Variants in SEC16A observed in about 807,000 individuals in gnomAD.
The protein encoded by SEC16A is SEC16 homolog A, endoplasmic reticulum export factor.
A neutral mutation model predicts 221.9 loss-of-function variants in SEC16A; 110 were observed. The observed-to-expected ratio is 0.50, with a 90% confidence interval of 0.42 to 0.58. SEC16A has a LOEUF of 0.58. Among genes scored for constraint, SEC16A ranks in the 20% least tolerant of loss-of-function variants. SEC16A has a pLI of 0.00. For synonymous variants in SEC16A, 1,393 were observed against 1,257.7 expected (o/e 1.11, Z -2.28); for missense variants, 3,165 against 3,097.8 (o/e 1.02, Z -0.52).
intron 11 of SEC16A, 98 bp from the exon 12 acceptor site, chr9:136,463,230 G>A (rs1839739582): frequency 6.7e-7 from 1 of 1,498,994 alleles, no homozygotes; most frequent in African/African-American, 1.4e-5. Context: ...GACACAGCCA[G>A]ACCCACAACT....
chr9:136,454,993 G>A (rs1039656924), intron 20 of SEC16A, among the ~76,000 whole-genome samples: 1 of 152,128 alleles, frequency 6.6e-6, no homozygotes, highest in African/African-American at 2.4e-5. Context: ...AGCTTGGAGG[G>A]CCTGTGGCCA....
In SEC16A at chr9:136,456,100, C is replaced by T. The variant is rs138068163; in HGVS notation, c.5617G>A (p.Ala1873Thr). Reference protein sequence around the residue: ...KEKPEEESLAAPTWLVHLQQV... With the variant: ...KEKPEEESLATPTWLVHLQQV... ...TGCAGGTGAACCAGCCACGTGGGTG[C>T]GGCCAAGGACTCCTCTTCTGGCTTC... The change falls in exon 19 of 32, where the codon GCA (alanine) becomes ACA (threonine). Residue 1873 changes from alanine (A) to threonine (T), a missense_variant. Around this residue, in one of 3 missense-constraint regions of SEC16A, gnomAD observed 1,088 missense variants for 1,089.6 expected, o/e 1.00. Transcript: ENST00000684901. The T allele has an allele frequency of 9.3e-6, 15 of 1,612,870 alleles. No homozygotes were observed. In the African/African-American group the frequency reaches 9.3e-5, roughly 10 times the overall value.
At chr9:136,479,407 C>A (rs1842038723) in intron 1 of SEC16A, among the ~76,000 whole-genome samples, 1 of 151,974 alleles carries the variant, frequency 6.6e-6, no homozygotes, top group Admixed American at 6.5e-5. Flanking sequence ...GACTGGGGTG[C>A]AGTGGTGCGA....
Position 136,459,339 on chromosome 9 carries a change from C to T in SEC16A, c.5304-100G>A. On this transcript the variant is annotated intron_variant, in intron 16 of 31. Transcript: ENST00000684901. The surrounding 1 kb of genome is among the most constrained non-coding windows in gnomAD (Gnocchi z 6.1). ...TCCAGAAGTGTGTCCCACCACGTGA[C>T]AAATAAAGACATGATTCTGGCCATT... is the stretch of plus-strand genomic sequence containing the variant. 1 of 1,406,522 alleles carries T rather than the reference C, an allele frequency of 7.1e-7. No individual in the cohort carries two copies. Among genetic ancestry groups the T allele is most frequent in the Middle Eastern group, 1.8e-4 (1 of 5,598 alleles). 87.1% of individuals were successfully genotyped at this position (1,406,522 alleles called of 1,614,324 possible).
chr9:136,441,524 A>T lies in SEC16A; in HGVS notation c.*231T>A. The T allele has an allele frequency of 1.1e-5, 6 of 569,666 alleles. No individual in the cohort carries two copies. Among genetic ancestry groups the T allele is most frequent in the Non-Finnish European group, 1.6e-5 (5 of 316,324 alleles). The allele number at this position is 569,666 out of a possible 1,614,324, so 35.3% of individuals were successfully genotyped here. On this transcript the variant is annotated 3_prime_UTR_variant, in exon 32 of 32. Transcript: ENST00000684901. ...GTCACATCATTCTTTTCGGCAAACA[A>T]TTCTGAGTCAAAGATTCAGTCTTTC... is the stretch of plus-strand genomic sequence containing the variant.
rs145731746 is a variant in SEC16A, at chr9:136,455,062, A to C, written c.5857+539T>G. Among the ~76,000 whole-genome samples, 4 of 152,266 alleles carry C rather than the reference A, an allele frequency of 2.6e-5. No individual in the cohort carries two copies. In the East Asian group the frequency reaches 7.7e-4, roughly 29 times the overall value. On this transcript the variant is annotated intron_variant, in intron 20 of 31. Coordinates refer to ENST00000684901, the MANE Select transcript of SEC16A (RefSeq NM_014866.2). ...GGAGAGTCTGGAGGGTCTGGGGAAG[A>C]AGCAGGAGGCGAGCAGGAAGGAGCC...
Position 136,462,766 on chromosome 9 carries a change from C to T in SEC16A, c.4893+121G>A, listed in dbSNP as rs564476381. The stretch of plus-strand genomic sequence containing the variant: ...CAGGAAACAGCAAGACCCGAAGCCC[C>T]ACACTGCAGCGCGGATGCTCCCAAG... On this transcript the variant is annotated intron_variant, in intron 12 of 31. Transcript: ENST00000684901. 136 of 1,137,426 alleles carry T rather than the reference C, an allele frequency of 1.2e-4. No homozygotes were observed. In the South Asian group the frequency reaches 1.4e-3, roughly 12 times the overall value. 70.5% of individuals were successfully genotyped at this position (1,137,426 alleles called of 1,614,324 possible).
At position 136,475,826 on chromosome 9, in the gene SEC16A, G is replaced by C. The variant is rs56110017; in HGVS notation, c.1790C>G (p.Pro597Arg). 1.3e-6 allele frequency: 2 copies of C among 1,581,244 alleles called. No homozygotes were observed. Among genetic ancestry groups the C allele is most frequent in the South Asian group, 1.1e-5 (1 of 87,316 alleles). The change falls in exon 3 of 32, where the codon CCG (proline) becomes CGG (arginine). Residue 597 changes from proline (P) to arginine (R), a missense_variant. Around this residue, in one of 3 missense-constraint regions of SEC16A, gnomAD observed 2,030 missense variants for 1,923.1 expected, o/e 1.06. Transcript: ENST00000684901. This position sits in a 1 kb window ranked among gnomAD's most constrained non-coding sequence, Gnocchi z 5.0. ...TGTCTGAAATATTCCTGTAGGTTTC[G>C]GGGGGCTCGGGGTTGAGGGCTGGGA... ...SVSQPSTPSP[P>R]KPTGIFQTSA...
At chr9:136,468,222 A>G (rs1272475543) in intron 5 of SEC16A, among the ~76,000 whole-genome samples, 193 bp downstream of exon 5, 1 of 152,276 alleles carries the variant, frequency 6.6e-6, no homozygotes, top group Non-Finnish European at 1.5e-5. Context: ...AATGAAAAAT[A>G]TCAATATAAT....
rs1181537274 is a variant in SEC16A at position 136,476,071 on chromosome 9, T to C, written c.1545A>G (p.Thr515=). 11 of 1,613,466 alleles carry C rather than the reference T, an allele frequency of 6.8e-6. No homozygotes were observed. The highest frequency in any genetic ancestry group is 2.2e-5 in the South Asian group (2 of 91,084). The change falls in exon 3 of 32, where the codon ACA becomes ACG. Residue 515 remains threonine, a synonymous_variant. Transcript: ENST00000684901. ...HTGAPDATLH[T]VHPDSVSSSY... is the part of the protein sequence containing the mutation. ...TGGATGACACGCTGTCAGGGTGCAC[T>C]GTATGCAGTGTGGCATCAGGGGCTC...
In SEC16A at chr9:136,443,404, G is replaced by A. The variant is rs1001172891; in HGVS notation, c.7005+419C>T. ...TGCAACTTTCATTCAGAAAAGAGAA[G>A]CTGGGCACGGTGGCTCAAGCCTGTA... On this transcript the variant is annotated intron_variant, in intron 31 of 31. Transcript: ENST00000684901. Among the ~76,000 whole-genome samples the A allele has an allele frequency of 8.5e-5, 13 of 152,344 alleles. 1 individual carries two copies. In the East Asian group the frequency reaches 1.4e-3, roughly 16 times the overall value.
At chr9:136,480,022 T>C (rs1450944968) in intron 1 of SEC16A, among the ~76,000 whole-genome samples, 1 of 151,718 alleles carries the variant, frequency 6.6e-6, no homozygotes, top group Non-Finnish European at 1.5e-5. Context: ...AAGAAAACAC[T>C]GATCAATGTA....
At chr9:136,483,858 T>C (rs567098799), upstream of SEC16A, 17 of 954,462 alleles carry the variant, frequency 1.8e-5, no homozygotes, top group South Asian at 7.7e-4. Flanking sequence ...CGACTGCGCC[T>C]GCGCGCTGGT....
chr9:136,482,368 A>T (rs895390841), intron 1 of SEC16A, among the ~76,000 whole-genome samples: 5 of 152,226 alleles, frequency 3.3e-5, no homozygotes, highest in Non-Finnish European at 7.3e-5. Flanking sequence ...AGTGTTCTTA[A>T]GCGGCAAAAA....
chr9:136,441,497 A>C lies in SEC16A; in HGVS notation c.*258T>G. ...CTTAAATCATCCTAAATGACTAAGA[A>C]AGTCACATCATTCTTTTCGGCAAAC... On this transcript the variant is annotated 3_prime_UTR_variant, in exon 32 of 32. Transcript: ENST00000684901. 2 of 546,834 alleles carry C rather than the reference A, an allele frequency of 3.7e-6. No homozygotes were observed. Among genetic ancestry groups the C allele is most frequent in the Non-Finnish European group, 6.6e-6 (2 of 302,266 alleles). The allele number at this position is 546,834 out of a possible 1,614,324, so 33.9% of individuals were successfully genotyped here. A position where few individuals can be genotyped will look rare whatever the true frequency, so the allele number is the denominator to read the frequency against.
rs17567909 is a variant in SEC16A at position 136,474,760 on chromosome 9, G to A, written c.2856C>T (p.Pro952=). The A allele has an allele frequency of 0.12, 198,593 of 1,613,776 alleles. 14,588 individuals carry two copies. Among genetic ancestry groups the A allele is most frequent in the South Asian group, 0.28 (25,855 of 91,074 alleles). The change falls in exon 3 of 32, where the codon CCC becomes CCT. Residue 952 remains proline (P), a synonymous_variant. Coordinates refer to ENST00000684901, the MANE Select transcript of SEC16A (RefSeq NM_014866.2). ...TTCCAGCAGGGCTATTAGCAAATCC[G>A]GGAAGAGCACTTCCTGCCTTACGAT... The part of the protein sequence containing the change: ...QKDRKAGSAL[P]GFANSPAGST...
Position 136,477,515 on chromosome 9 carries a change from C to T in SEC16A, c.101G>A (p.Arg34Gln), listed in dbSNP as rs372746219. Reference sequence around the variant, plus strand: ...AGCCACTGCTGCATTATTATTAGCCCGTCTCCTGTAAGGGCTGCTAGCCCA... The same window carrying T: ...AGCCACTGCTGCATTATTATTAGCCTGTCTCCTGTAAGGGCTGCTAGCCCA... ...VFWASSPYRR[R>Q]ANNNAAVAPT... is the part of the protein sequence containing the mutation. Residue 34 changes from arginine to glutamine, a missense_variant, in exon 3 of 32, where the codon CGG (arginine) becomes CAG (glutamine). Transcript: ENST00000684901. 4.5e-5 allele frequency: 73 copies of T among 1,613,832 alleles called. No individual in the cohort carries two copies. The African/African-American group carries it at 7.3e-4, about 16-fold the overall frequency.
At chr9:136,445,517 G>A (rs2131790504) in intron 29 of SEC16A, 128 bp downstream of exon 29, 2 of 715,380 alleles carry the variant, frequency 2.8e-6, no homozygotes, top group Admixed American at 2.9e-5. Flanking sequence ...CACCACCTTC[G>A]AGGTGCTCTT....
chr9:136,459,567 C>A lies in SEC16A; in HGVS notation c.5192-12G>T. The A allele has an allele frequency of 6.4e-7, 1 of 1,571,210 alleles. No individual in the cohort carries two copies. Among genetic ancestry groups the A allele is most frequent in the East Asian group, 2.3e-5 (1 of 43,158 alleles). ...GAGGCCCCTTGAAGCTGCGGAGAGA[C>A]GACACGACACACGGCGGGGGCTCAG... On this transcript the variant is annotated splice_polypyrimidine_tract_variant and intron_variant, in intron 15 of 31. Coordinates refer to ENST00000684901, the MANE Select transcript of SEC16A (RefSeq NM_014866.2). The surrounding 1 kb of genome is among the most constrained non-coding windows in gnomAD (Gnocchi z 6.1).
Sources: allele counts gnomAD v4.1 joint callset (sites outside exome capture counted in the v4.1 genomes callset), GRCh38; gene constraint gnomAD v4.1.1; regional missense constraint gnomAD v4.1.1; non-coding constraint Gnocchi (gnomAD v3.1); transcripts MANE v1.5; gene names NCBI Gene and HGNC (gene_info 2026-07-23, HGNC 2026-07-21).